The following ADD2 variants were observed in gnomAD, a reference collection of about 807,000 sequenced individuals.
ADD2 encodes beta-adducin.
In ADD2, 23 loss-of-function variants were observed where a neutral mutation model predicts 83.0. The observed-to-expected ratio is 0.28, with a 90% CI of 0.20 to 0.39. ADD2 has a LOEUF of 0.39. Among genes scored for constraint, ADD2 ranks in the 10% least tolerant of loss-of-function variants. The pLI is 1.00. For synonymous variants in ADD2, 375 were observed against 375.4 expected (o/e 1.00, Z 0.01); for missense variants, 758 against 944.9 (o/e 0.80, Z 2.59).
intron 4 of ADD2, 48 bp downstream of exon 4, chr2:70,704,273 A>ACCCCCCCCCCCAC: frequency 1.9e-6 from 1 of 523,440 alleles, no homozygotes; most frequent in Admixed American, 3.0e-5. Context: ...TCCCCACCCC[A>ACCCCCCCCCCCAC]CCCTCCCCTC....
chr2:70,705,685 C>T (rs555836469), intron 3 of ADD2, among the ~76,000 whole-genome samples: 7 of 152,288 alleles, frequency 4.6e-5, no homozygotes, highest in African/African-American at 1.2e-4. Context: ...TGAGTGATCC[C>T]GACTTGCCTT....
Position 70,658,551 on chromosome 2 carries a change from T to C in ADD2, c.*4874A>G, listed in dbSNP as rs1468199512. 1 of 152,186 alleles carries C rather than the reference T, an allele frequency of 6.6e-6. No homozygotes were observed. Among genetic ancestry groups the C allele is most frequent in the African/African-American group, 2.4e-5 (1 of 41,452 alleles). The allele number at this position is 152,186 out of a possible 1,614,324, so 9.4% of individuals were successfully genotyped here. On this transcript the variant is annotated 3_prime_UTR_variant, in exon 16 of 16. Transcript: ENST00000264436. The stretch of plus-strand genomic sequence containing the variant: ...ATAGGCTGCCTCACTGGCTTTTAGA[T>C]TGTAGGGTGCCCTGTCCTTTCTGTG...
At chr2:70,716,168 C>T (rs1672456220) in intron 1 of ADD2, among the ~76,000 whole-genome samples, 1 of 152,010 alleles carries the variant, frequency 6.6e-6, no homozygotes. Flanking sequence ...AAATGCACAC[C>T]CCATGTTAAC....
At chr2:70,688,998 G>A (rs937625601) in intron 8 of ADD2, among the ~76,000 whole-genome samples, 68 of 152,122 alleles carry the variant, frequency 4.5e-4, no homozygotes, top group Admixed American at 1.9e-3. Context: ...CCAGCTACTC[G>A]GGAGGGTGAG....
At chr2:70,722,692 A>G (rs1217501649) in intron 1 of ADD2, among the ~76,000 whole-genome samples, 3 of 150,554 alleles carry the variant, frequency 2.0e-5, no homozygotes, top group Non-Finnish European at 4.5e-5. Flanking sequence ...GTTTTCACTC[A>G]GTGTATATCT....
chr2:70,689,095 C>CAAA (rs533244103), intron 8 of ADD2, among the ~76,000 whole-genome samples: 1 of 150,382 alleles, frequency 6.6e-6, no homozygotes, highest in African/African-American at 2.4e-5. Flanking sequence ...GACTCCGTCT[C>CAAA]AAAAAAAAAC....
chr2:70,711,806 T>TGA (rs1553375512), intron 2 of ADD2, among the ~76,000 whole-genome samples: 2 of 152,214 alleles, frequency 1.3e-5, no homozygotes, highest in East Asian at 3.8e-4. Flanking sequence ...GTGAGTTCTG[T>TGA]GACTCATTCT....
intron 4 of ADD2, among the ~76,000 whole-genome samples, chr2:70,700,108 G>A (rs1035849294): frequency 2.6e-5 from 4 of 152,018 alleles, no homozygotes; most frequent in Admixed American, 1.3e-4. Context: ...GGAGAAAATT[G>A]TTTACAAAAT....
At chr2:70,767,551 T>TAGGCG (rs1372774721) in intron 1 of ADD2, 6 of 940,946 alleles carry the variant, frequency 6.4e-6, no homozygotes, top group South Asian at 4.9e-5. Flanking sequence ...CCCGCCCGGC[T>TAGGCG]AGGCGAGGCG....
chr2:70,707,779 C>A (rs561626065), intron 2 of ADD2, among the ~76,000 whole-genome samples: 2 of 152,354 alleles, frequency 1.3e-5, no homozygotes, highest in Non-Finnish European at 2.9e-5. Context: ...GACCAGGACA[C>A]CTGGGTTCTC....
intron 1 of ADD2, among the ~76,000 whole-genome samples, chr2:70,744,802 A>T (rs1674096930): frequency 6.6e-6 from 1 of 152,138 alleles, no homozygotes; most frequent in Non-Finnish European, 1.5e-5. Context: ...TAGAGGCAGC[A>T]GCAGATGTTC....
At chr2:70,713,567 C>T (rs529404326) in intron 1 of ADD2, among the ~76,000 whole-genome samples, 10 of 152,178 alleles carry the variant, frequency 6.6e-5, no homozygotes, top group South Asian at 2.1e-4. Context: ...GCCAAGATCG[C>T]GCCACTGCAC....
At chr2:70,691,054 GGGA>G (rs1553371550) in intron 7 of ADD2, 125 bp from the exon 8 acceptor site, 1 of 1,223,104 alleles carries the variant, frequency 8.2e-7, no homozygotes, top group Non-Finnish European at 1.1e-6. Context: ...GGTGAGGTTG[GGGA>G]GCAGGCACAA....
Position 70,713,131 on chromosome 2 carries a change from C to G in ADD2, c.-100G>C, listed in dbSNP as rs1412683698. 1.0e-6 allele frequency: 1 copy of G among 984,866 alleles called. No homozygotes were observed. Among genetic ancestry groups the G allele is most frequent in the East Asian group, 1.1e-4 (1 of 8,734 alleles). 61.0% of individuals were successfully genotyped at this position (984,866 alleles called of 1,614,324 possible). On this transcript the variant is annotated 5_prime_UTR_variant, in exon 2 of 16. Transcript: ENST00000264436. ...ACTGCTCAGTCTGCACCCCCTAGCTCCACTCTCAAGGGTGCCGGCCACATC... is the reference window on the plus strand; with the variant it reads ...ACTGCTCAGTCTGCACCCCCTAGCTGCACTCTCAAGGGTGCCGGCCACATC...
At chr2:70,720,192 C>A (rs192309971) in intron 1 of ADD2, among the ~76,000 whole-genome samples, 6 of 152,110 alleles carry the variant, frequency 3.9e-5, no homozygotes, top group African/African-American at 1.4e-4. Flanking sequence ...CTATCCCTCC[C>A]CTCTCCAGAC....
At position 70,661,351 on chromosome 2, in the gene ADD2, A is replaced by G. The variant is rs1016463869; in HGVS notation, c.*2074T>C. 8.5e-5 allele frequency: 13 copies of G among 152,204 alleles called. No homozygotes were observed. Among genetic ancestry groups the G allele is most frequent in the Non-Finnish European group, 1.8e-4 (12 of 68,046 alleles). The allele number at this position is 152,204 out of a possible 1,614,324, so 9.4% of individuals were successfully genotyped here. On this transcript the variant is annotated 3_prime_UTR_variant, in exon 16 of 16. Coordinates refer to ENST00000264436, the MANE Select transcript of ADD2 (RefSeq NM_001617.4). ...ATGTAAGGATAAATGAATAAGTGTG[A>G]AATCTACTTTTTAAAAGAAGGCATC...
chr2:70,738,853 G>GAGCCATAAGCAGAAGATT (rs561310989), intron 1 of ADD2, among the ~76,000 whole-genome samples: 232 of 152,186 alleles, frequency 1.5e-3, no homozygotes, highest in African/African-American at 4.9e-3. Context: ...GATTGAAACT[G>GAGCCATAAGCAGAAGATT]GACCCCTTCC....
At chr2:70,765,224 G>T (rs890230070) in intron 1 of ADD2, among the ~76,000 whole-genome samples, 15 of 152,100 alleles carry the variant, frequency 9.9e-5, no homozygotes, top group African/African-American at 3.4e-4. Context: ...GTGGTGACAC[G>T]CACCTGTAGT....
In ADD2 at chr2:70,696,408, G is replaced by A; in HGVS notation, c.323-12C>T. 1.9e-6 allele frequency: 3 copies of A among 1,614,096 alleles called. No homozygotes were observed. Among genetic ancestry groups the A allele is most frequent in the Non-Finnish European group, 2.5e-6 (3 of 1,179,996 alleles). On this transcript the variant is annotated splice_polypyrimidine_tract_variant and intron_variant, in intron 4 of 15. Transcript: ENST00000264436. ...CATCATGGAGACATCTGCAGGGACA[G>A]TGCAGTTCTCTCAGGGCCAGGGCCC...
Sources: allele counts gnomAD v4.1 joint callset (sites outside exome capture counted in the v4.1 genomes callset), GRCh38; gene constraint gnomAD v4.1.1; transcripts MANE v1.5; gene names NCBI Gene and HGNC (gene_info 2026-07-23, HGNC 2026-07-21).